Variants in DNAH14 observed in about 807,000 individuals in gnomAD.
DNAH14 encodes the protein dynein axonemal heavy chain 14.
Under a neutral mutation model 520.9 loss-of-function variants are expected in DNAH14, and 478 were observed. That is an observed-to-expected ratio of 0.92 (90% confidence interval 0.85 to 0.99). DNAH14 has a LOEUF of 0.99. Ranked by LOEUF, DNAH14 falls within the 50% of genes least tolerant of loss-of-function variation. The pLI is 0.00. For missense variants in DNAH14, 4,831 were observed against 5,234.5 expected, an observed-to-expected ratio of 0.92 and a Z score of 2.38; for synonymous variants, 1,581 against 1,757.2, an observed-to-expected ratio of 0.90 and a Z score of 2.51.
At chr1:225,006,743 C>G (rs546946003) in intron 9 of DNAH14, among the ~76,000 whole-genome samples, 1 of 152,278 alleles carries the variant, frequency 6.6e-6, no homozygotes, top group South Asian at 2.1e-4. Flanking sequence ...TTTGCCCTGG[C>G]CTTGTGATCT....
chr1:224,975,310 C>T (rs547359654), intron 8 of DNAH14, among the ~76,000 whole-genome samples: 5 of 152,144 alleles, frequency 3.3e-5, no homozygotes, highest in Admixed American at 6.5e-5. Flanking sequence ...AGTACCAGTT[C>T]CTCCTTGTAC....
At chr1:224,972,965 A>G (rs1489451538) in intron 7 of DNAH14, among the ~76,000 whole-genome samples, 2 of 152,132 alleles carry the variant, frequency 1.3e-5, no homozygotes, top group Non-Finnish European at 2.9e-5. Flanking sequence ...CCTGGTGCAG[A>G]TACTCCTTAC....
chr1:225,207,876 G>A (rs182183020), intron 41 of DNAH14, among the ~76,000 whole-genome samples: 3 of 152,270 alleles, frequency 2.0e-5, no homozygotes, highest in African/African-American at 7.2e-5. Context: ...GCCATGAATA[G>A]GAGATAAAGT....
At chr1:224,955,913 T>C (rs1341320501) in intron 3 of DNAH14, among the ~76,000 whole-genome samples, 1 of 152,148 alleles carries the variant, frequency 6.6e-6, no homozygotes, top group Non-Finnish European at 1.5e-5. Context: ...TAGACTTCCT[T>C]ACCTCTAATT....
intron 37 of DNAH14, 113 bp from the exon 38 acceptor site, chr1:225,192,583 C>CT (rs987556858): frequency 2.6e-5 from 17 of 652,344 alleles, no homozygotes; most frequent in Non-Finnish European, 4.0e-5. Flanking sequence ...TATATAAAAT[C>CT]TTTTTTTGGT....
chr1:225,245,095 T>G (rs188165675), intron 43 of DNAH14, among the ~76,000 whole-genome samples: 1 of 152,322 alleles, frequency 6.6e-6, no homozygotes, highest in African/African-American at 2.4e-5. Flanking sequence ...CTGCCTTATT[T>G]GATTATTTAC....
At chr1:225,257,622 G>A (rs1269093656) in intron 44 of DNAH14, among the ~76,000 whole-genome samples, 21 of 150,104 alleles carry the variant, frequency 1.4e-4, no homozygotes, top group African/African-American at 1.2e-4. Flanking sequence ...TGCAAGCTCC[G>A]CCTCCTGGGT....
At chr1:225,277,730 C>G (rs1246755502) in intron 54 of DNAH14, among the ~76,000 whole-genome samples, 1 of 152,114 alleles carries the variant, frequency 6.6e-6, no homozygotes, top group Non-Finnish European at 1.5e-5. Context: ...AAAACTGCAC[C>G]ATTTCTAGTG....
intron 11 of DNAH14, among the ~76,000 whole-genome samples, chr1:225,030,233 A>G (rs1173831338): frequency 6.6e-6 from 1 of 151,888 alleles, no homozygotes; most frequent in Non-Finnish European, 1.5e-5. Flanking sequence ...CAACATAACA[A>G]AACTTACTAT....
chr1:225,069,860 C>G (rs1038620965), intron 17 of DNAH14, among the ~76,000 whole-genome samples: 6 of 151,792 alleles, frequency 4.0e-5, no homozygotes, highest in African/African-American at 1.2e-4. Flanking sequence ...GGATGATAGA[C>G]TTAATTACTG....
rs1227139481 is a variant in DNAH14 at position 225,051,683 on chromosome 1, T to A, written c.2312T>A (p.Val771Asp). ...GAGAAGCGTATTGGTATTTTCAACG[T>A]TGTAAGTCTTGATTATCAATCAGAA... ...AIEKRIGIFN[V>D]VSLDYQSECL... The change falls in exon 17 of 86, where the codon GTT becomes GAT. Residue 771 changes from valine to aspartate, a missense_variant. Val to Asp is a radical substitution (Grantham distance 152). Transcript: ENST00000682510. 2 of 1,551,286 alleles carry A rather than the reference T, an allele frequency of 1.3e-6. No homozygotes were observed. The highest frequency in any genetic ancestry group is 1.7e-6 in the Non-Finnish European group (2 of 1,146,672).
chr1:225,032,075 A>AT (rs1271481771), intron 11 of DNAH14, among the ~76,000 whole-genome samples: 1 of 151,084 alleles, frequency 6.6e-6, no homozygotes, highest in Non-Finnish European at 1.5e-5. Flanking sequence ...TCTCAGTTTA[A>AT]TTTTTTTTTA....
At chr1:225,203,830 T>C (rs2087178966) in intron 38 of DNAH14, among the ~76,000 whole-genome samples, 1 of 148,688 alleles carries the variant, frequency 6.7e-6, no homozygotes, top group Non-Finnish European at 1.5e-5. Flanking sequence ...TGAAGGAAAG[T>C]CTAGAAAAAA....
intron 17 of DNAH14, among the ~76,000 whole-genome samples, chr1:225,055,516 TA>T (rs1313247561): frequency 1.8e-4 from 27 of 151,036 alleles, no homozygotes; most frequent in African/African-American, 6.2e-4. Context: ...ATAGCTAAAT[TA>T]TTTTTTTATT....
In DNAH14 at chr1:225,372,296, A is replaced by G. The variant is rs568403244; in HGVS notation, c.12319-2392A>G. Reference sequence around the variant, plus strand: ...AGCTAGGAATGTACAAAAAAGAAAAATCCTGAAAGGGTCCTCCTTCACCAG... The same window carrying G: ...AGCTAGGAATGTACAAAAAAGAAAAGTCCTGAAAGGGTCCTCCTTCACCAG... On this transcript the variant is annotated intron_variant, in intron 77 of 85. Transcript: ENST00000682510. 8.5e-5 allele frequency among the ~76,000 whole-genome samples: 13 copies of G among 152,336 alleles called. No individual in the cohort carries two copies. The South Asian group carries it at 2.5e-3, about 29-fold the overall frequency.
intron 23 of DNAH14, among the ~76,000 whole-genome samples, chr1:225,107,183 A>C (rs1429914562): frequency 6.6e-6 from 1 of 152,222 alleles, no homozygotes; most frequent in Non-Finnish European, 1.5e-5. Context: ...CGGAGGCTGC[A>C]GAACAGCAGA....
chr1:224,978,957 T>C (rs539146123), intron 8 of DNAH14, among the ~76,000 whole-genome samples: 2 of 152,236 alleles, frequency 1.3e-5, no homozygotes, highest in Non-Finnish European at 2.9e-5. Flanking sequence ...AAAGAGGATA[T>C]TGAATGTTAT....
At chr1:225,166,291 A>G (rs1352661842) in intron 35 of DNAH14, among the ~76,000 whole-genome samples, 1 of 152,178 alleles carries the variant, frequency 6.6e-6, no homozygotes, top group Non-Finnish European at 1.5e-5. Context: ...GTCTGAGCTT[A>G]TGGAAAAGTT....
intron 17 of DNAH14, among the ~76,000 whole-genome samples, chr1:225,064,911 A>T (rs1009050334): frequency 6.6e-6 from 1 of 151,988 alleles, no homozygotes; most frequent in Non-Finnish European, 1.5e-5. Context: ...TATACAAATT[A>T]TGTTTCAGCA....
Sources: allele counts gnomAD v4.1 joint callset (sites outside exome capture counted in the v4.1 genomes callset), GRCh38; gene constraint gnomAD v4.1.1; transcripts MANE v1.5; gene names NCBI Gene and HGNC (gene_info 2026-07-23, HGNC 2026-07-21).